ABHD2: variants seen among roughly 807,000 people sequenced by gnomAD.
The protein encoded by ABHD2 is monoacylglycerol lipase ABHD2.
Under a neutral mutation model 48.1 loss-of-function variants are expected in ABHD2, and 20 were observed. That is an observed-to-expected ratio of 0.42 (90% confidence interval 0.29 to 0.60). The LOEUF (loss-of-function observed/expected upper bound fraction) is 0.60, where lower values mean the gene tolerates loss of function less well. Ranked by LOEUF, ABHD2 falls within the 20% of genes least tolerant of loss-of-function variation. ABHD2 has a pLI of 0.24. For synonymous variants in ABHD2, 209 were observed against 214.2 expected, an observed-to-expected ratio of 0.98 and a Z score of 0.21; for missense variants, 405 against 550.9, an observed-to-expected ratio of 0.74 and a Z score of 2.65.
chr15:89,172,121 CT>C (rs2050939527), intron 5 of ABHD2, among the ~76,000 whole-genome samples: 1 of 152,092 alleles, frequency 6.6e-6, no homozygotes, highest in South Asian at 2.1e-4. Context: ...CAGCTACACT[CT>C]TGTTTAAATA....
intron 3 of ABHD2, among the ~76,000 whole-genome samples, chr15:89,141,499 G>T (rs1387388686): frequency 1.3e-5 from 2 of 152,222 alleles, no homozygotes; most frequent in South Asian, 2.1e-4. Flanking sequence ...CAGGCATGGT[G>T]GCGTGCGCCT....
At position 89,195,528 on chromosome 15, in the gene ABHD2, C is replaced by G. The variant is rs1185745497; in HGVS notation, c.*105C>G. 3.1e-6 allele frequency: 4 copies of G among 1,284,882 alleles called. No individual in the cohort carries two copies. The highest frequency in any genetic ancestry group is 4.2e-6 in the Non-Finnish European group (4 of 951,070). The allele number at this position is 1,284,882 out of a possible 1,614,324, so 79.6% of individuals were successfully genotyped here. Reference sequence around the variant, plus strand: ...TCCCTCAGTGACCTGGATCTGACCTCACACCATCAGCAGGGGGCACCCACC... The same window carrying G: ...TCCCTCAGTGACCTGGATCTGACCTGACACCATCAGCAGGGGGCACCCACC... On this transcript the variant is annotated 3_prime_UTR_variant, in exon 11 of 11. Transcript: ENST00000352732. The surrounding 1 kb of genome is among the most constrained non-coding windows in gnomAD (Gnocchi z 5.1).
the ABHD2 span, among the ~76,000 whole-genome samples, chr15:89,056,002 C>T: frequency 6.6e-6 from 1 of 152,048 alleles, no homozygotes; most frequent in Non-Finnish European, 1.5e-5. Flanking sequence ...TAGCTGGAGT[C>T]ACCATGCCCA....
At position 89,155,597 on chromosome 15, in the gene ABHD2, C is replaced by T. The variant is rs1234760688; in HGVS notation, c.538+63C>T. The T allele has an allele frequency of 3.9e-6, 6 of 1,552,956 alleles. No individual in the cohort carries two copies. The highest frequency in any genetic ancestry group is 5.2e-6 in the Non-Finnish European group (6 of 1,147,032). ...AGTGTGCTACTACTTCTGCTTCTGC[C>T]TTGTTTTTTCTTTTTTTAAGTTTTA... On this transcript the variant is annotated intron_variant, in intron 5 of 10. Coordinates refer to ENST00000352732, the MANE Select transcript of ABHD2 (RefSeq NM_152924.5). The surrounding 1 kb of genome is among the most constrained non-coding windows in gnomAD (Gnocchi z 4.9).
At chr15:89,192,191 CTG>C (rs1183774142) in intron 9 of ABHD2, among the ~76,000 whole-genome samples, 3 of 152,188 alleles carry the variant, frequency 2.0e-5, no homozygotes, top group Non-Finnish European at 4.4e-5. Context: ...TCACTGGAAA[CTG>C]TAGTTGTGCT....
In ABHD2 at chr15:89,188,928, G is replaced by C. The variant is rs970191531; in HGVS notation, c.926+625G>C. Among the ~76,000 whole-genome samples the C allele has an allele frequency of 6.6e-6, 1 of 151,672 alleles. No individual in the cohort carries two copies. Among genetic ancestry groups the C allele is most frequent in the African/African-American group, 2.4e-5 (1 of 41,314 alleles). On this transcript the variant is annotated intron_variant, in intron 8 of 10. Transcript: ENST00000352732. This position sits in a 1 kb window ranked among gnomAD's most constrained non-coding sequence, Gnocchi z 4.1. The stretch of plus-strand genomic sequence containing the variant: ...TAGAAAAACAGAAGATAGACCAAGA[G>C]GACTATGTGTTTCAAGCAAAATGGA...
At position 89,137,896 on chromosome 15, in the gene ABHD2, T is replaced by A. The variant is rs533422459; in HGVS notation, c.195-13781T>A. Reference sequence around the variant, plus strand: ...TACCTCCCCAGTAGGACTGGTGAGATGTGCACACAGGGTCTACTCCACATC... The same window carrying A: ...TACCTCCCCAGTAGGACTGGTGAGAAGTGCACACAGGGTCTACTCCACATC... On this transcript the variant is annotated intron_variant, in intron 3 of 10. Transcript: ENST00000352732. This position sits in a 1 kb window ranked among gnomAD's most constrained non-coding sequence, Gnocchi z 4.8. Among the ~76,000 whole-genome samples, 1 of 152,304 alleles carries A rather than the reference T, an allele frequency of 6.6e-6. No individual in the cohort carries two copies. The highest frequency in any genetic ancestry group is 1.5e-5 in the Non-Finnish European group (1 of 68,016).
Position 89,155,501 on chromosome 15 carries a change from A to T in ABHD2, c.505A>T (p.Ile169Phe), listed in dbSNP as rs747437566. Residue 169 changes from isoleucine to phenylalanine, a missense_variant, in exon 5 of 11, where the codon ATT becomes TTT. Coordinates refer to ENST00000352732, the MANE Select transcript of ABHD2 (RefSeq NM_152924.5). The surrounding 1 kb of genome is among the most constrained non-coding windows in gnomAD (Gnocchi z 4.9). Reference protein sequence around the residue: ...VLNHLGALPNIELTSPRMFTY... With the variant: ...VLNHLGALPNFELTSPRMFTY... Reference sequence around the variant, plus strand: ...GAACCACCTGGGTGCCCTGCCCAACATTGAATTGACCTCGCCACGCATGTT... The same window carrying T: ...GAACCACCTGGGTGCCCTGCCCAACTTTGAATTGACCTCGCCACGCATGTT... 1 of 1,614,082 alleles carries T rather than the reference A, an allele frequency of 6.2e-7. No individual in the cohort carries two copies. The highest frequency in any genetic ancestry group is 1.7e-5 in the Admixed American group (1 of 60,016).
chr15:89,107,869 C>T (rs1482249361), intron 1 of ABHD2, among the ~76,000 whole-genome samples: 1 of 152,144 alleles, frequency 6.6e-6, no homozygotes, highest in Non-Finnish European at 1.5e-5. Context: ...GAAGAGAGAT[C>T]TCCCCCTCCC....
chr15:89,075,862 G>T, the ABHD2 span, among the ~76,000 whole-genome samples: 1 of 152,294 alleles, frequency 6.6e-6, no homozygotes, highest in East Asian at 1.9e-4. The surrounding 1 kb of genome is among the most constrained non-coding windows in gnomAD (Gnocchi z 4.1). Flanking sequence ...AACCAGAGGT[G>T]CTTCCCAAGC....
chr15:89,110,666 C>G (rs1189656351), intron 1 of ABHD2, among the ~76,000 whole-genome samples: 2 of 152,150 alleles, frequency 1.3e-5, no homozygotes, highest in Non-Finnish European at 2.9e-5. Flanking sequence ...AGGGAGTACC[C>G]CCAGGGACAT....
the ABHD2 span, among the ~76,000 whole-genome samples, chr15:89,053,852 G>T: frequency 6.6e-6 from 1 of 152,170 alleles, no homozygotes; most frequent in Non-Finnish European, 1.5e-5. Context: ...CAAGCTGCCA[G>T]AGCTCTCATT....
At position 89,195,195 on chromosome 15, in the gene ABHD2, C is replaced by T. The variant is rs1470721330; in HGVS notation, c.1082-32C>T. 1 of 1,599,790 alleles carries T rather than the reference C, an allele frequency of 6.3e-7. No homozygotes were observed. The highest frequency in any genetic ancestry group is 1.3e-5 in the African/African-American group (1 of 74,752). Reference sequence around the variant, plus strand: ...TCCTGTCCTGGAGCAAACTAGAGAACAGTAACTCACTCAGCTGCGTTTCCC... The same window carrying T: ...TCCTGTCCTGGAGCAAACTAGAGAATAGTAACTCACTCAGCTGCGTTTCCC... On this transcript the variant is annotated intron_variant, in intron 10 of 10. Coordinates refer to ENST00000352732, the MANE Select transcript of ABHD2 (RefSeq NM_152924.5). The surrounding 1 kb of genome is among the most constrained non-coding windows in gnomAD (Gnocchi z 5.1).
rs2049899429 is a variant in ABHD2, at chr15:89,113,001, G to T, written c.-106-724G>T. ...TTTGAAGAGCAGAGCTTAGCACGTA[G>T]ATAGTGCTGCATAAACATTGGGCTG... On this transcript the variant is annotated intron_variant, in intron 1 of 10. Coordinates refer to ENST00000352732, the MANE Select transcript of ABHD2 (RefSeq NM_152924.5). 2.0e-5 allele frequency among the ~76,000 whole-genome samples: 3 copies of T among 152,242 alleles called. No homozygotes were observed. The South Asian group carries it at 6.2e-4, about 32-fold the overall frequency.
At chr15:89,077,306 C>G in the ABHD2 span, among the ~76,000 whole-genome samples, 1 of 152,170 alleles carries the variant, frequency 6.6e-6, no homozygotes, top group East Asian at 1.9e-4. Context: ...GCATGCTTAT[C>G]GTAATGATTT....
Position 89,175,124 on chromosome 15 carries a change from T to A in ABHD2, c.539-688T>A, listed in dbSNP as rs2050990568. Among the ~76,000 whole-genome samples the A allele has an allele frequency of 6.6e-6, 1 of 152,242 alleles. No individual in the cohort carries two copies. The highest frequency in any genetic ancestry group is 1.5e-5 in the Non-Finnish European group (1 of 68,040). ...GTAAATAACATCCACTTGCTACTTT[T>A]CTTAACACCATGAATCATCATACAC... On this transcript the variant is annotated intron_variant, in intron 5 of 10. Transcript: ENST00000352732. The surrounding 1 kb of genome is among the most constrained non-coding windows in gnomAD (Gnocchi z 5.7).
the ABHD2 span, chr15:89,070,221 T>G: frequency 0.15 from 23,278 of 152,160 alleles, 1,964 homozygotes; most frequent in Middle Eastern, 0.22. Context: ...TTCAAACTCC[T>G]CCTCAGAAGT....
At chr15:89,187,631 C>T (rs933080428) in intron 7 of ABHD2, among the ~76,000 whole-genome samples, 1 of 152,046 alleles carries the variant, frequency 6.6e-6, no homozygotes, top group Non-Finnish European at 1.5e-5. Flanking sequence ...ATGCTGGTTC[C>T]ACTTGGGGGT....
chr15:89,189,939 A>T lies in ABHD2; in HGVS notation c.927-1141A>T, dbSNP rs2051276072. Among the ~76,000 whole-genome samples, 1 of 152,066 alleles carries T rather than the reference A, an allele frequency of 6.6e-6. No individual in the cohort carries two copies. Among genetic ancestry groups the T allele is most frequent in the South Asian group, 2.1e-4 (1 of 4,814 alleles). ...ACCAGTCTTGGTGGCTTCCTCAGAG[A>T]TCCATCCCAGTAATACTGGAGGGAT... On this transcript the variant is annotated intron_variant, in intron 8 of 10. Coordinates refer to ENST00000352732, the MANE Select transcript of ABHD2 (RefSeq NM_152924.5). This position sits in a 1 kb window ranked among gnomAD's most constrained non-coding sequence, Gnocchi z 4.9.
Sources: allele counts gnomAD v4.1 joint callset (sites outside exome capture counted in the v4.1 genomes callset), GRCh38; gene constraint gnomAD v4.1.1; non-coding constraint Gnocchi (gnomAD v3.1); transcripts MANE v1.5; gene names NCBI Gene and HGNC (gene_info 2026-07-23, HGNC 2026-07-21).